AP3D1: variants seen among roughly 807,000 people sequenced by gnomAD.
The protein encoded by AP3D1 is AP-3 complex subunit delta-1.
In AP3D1, 51 loss-of-function variants were observed where a neutral mutation model predicts 147.6. That is an observed-to-expected ratio of 0.35 (90% CI 0.28 to 0.44). AP3D1 has a LOEUF of 0.44. AP3D1 is among the 20% of genes least tolerant of loss of function. AP3D1 has a pLI of 1.00. For synonymous variants in AP3D1, 760 were observed against 663.0 expected, an observed-to-expected ratio of 1.15 and a Z score of -2.25; for missense variants, 1,421 against 1,624.2, an observed-to-expected ratio of 0.87 and a Z score of 2.15.
chr19:2,160,505 G>T lies in AP3D1; in HGVS notation c.-103+3851C>A, dbSNP rs557523583. Among the ~76,000 whole-genome samples, 11 of 152,024 alleles carry T rather than the reference G, an allele frequency of 7.2e-5. No individual in the cohort carries two copies. In the South Asian group the frequency reaches 2.3e-3, roughly 32 times the overall value. On this transcript the variant is annotated intron_variant, in intron 1 of 14. Transcript: ENST00000643010. ...GCCAAGATCACACCATTGCACTTTA[G>T]CCTAATGACAGAGCTAGACTCCTCC...
chr19:2,107,659 G>C (rs1260368847), intron 31 of AP3D1, among the ~76,000 whole-genome samples: 2 of 150,962 alleles, frequency 1.3e-5, no homozygotes, highest in African/African-American at 4.9e-5. Context: ...AGAATGGCGT[G>C]AACCAGGGAG....
Position 2,111,818 on chromosome 19 carries a change from T to C in AP3D1, c.2798A>G (p.Lys933Arg), listed in dbSNP as rs556612715. The part of the protein sequence containing the change: ...EGQDQDKKSP[K>R]PKKKKHRKEK... ...CTTCCTGTGCTTCTTCTTCTTAGGCTTGGGAGATTTCTGGAGCAAGAGGAG... is the reference window on the plus strand; with the variant it reads ...CTTCCTGTGCTTCTTCTTCTTAGGCCTGGGAGATTTCTGGAGCAAGAGGAG... Residue 933 changes from lysine (K) to arginine (R), a missense_variant, in exon 25 of 32, where the codon AAG becomes AGG. Physicochemically the swap from Lys to Arg is conservative, Grantham distance 26. Transcript: ENST00000643116. The C allele has an allele frequency of 2.7e-5, 44 of 1,613,772 alleles. No individual in the cohort carries two copies. Among genetic ancestry groups the C allele is most frequent in the African/African-American group, 1.2e-4 (9 of 74,938 alleles).
intron 9 of AP3D1, among the ~76,000 whole-genome samples, chr19:2,126,670 A>G (rs867062821): frequency 7.3e-5 from 11 of 151,148 alleles, no homozygotes; most frequent in East Asian, 3.9e-4. Flanking sequence ...AAAAAAAAAA[A>G]AGAAAGAAAA....
chr19:2,133,763 A>T (rs2145125265), intron 4 of AP3D1, among the ~76,000 whole-genome samples: 1 of 151,276 alleles, frequency 6.6e-6, no homozygotes, highest in South Asian at 2.1e-4. Context: ...TGGCCTCCCA[A>T]AGTGCTGGGA....
intron 1 of AP3D1, among the ~76,000 whole-genome samples, chr19:2,162,041 T>TG (rs1354017107): frequency 6.7e-6 from 1 of 148,492 alleles, no homozygotes; most frequent in East Asian, 2.0e-4. Context: ...GAGTTTTTTT[T>TG]TTTTTTTTTT....
At chr19:2,152,354 C>T (rs1029450790), upstream of AP3D1, among the ~76,000 whole-genome samples, 13 of 151,634 alleles carry the variant, frequency 8.6e-5, no homozygotes, top group Admixed American at 2.6e-4. Context: ...ACCAGCCAGG[C>T]CAACATGGTG....
Position 2,109,068 on chromosome 19 carries a change from G to C in AP3D1, c.3472+18C>G, listed in dbSNP as rs776751558. On this transcript the variant is annotated intron_variant, in intron 30 of 31. Coordinates refer to ENST00000643116, the MANE Select transcript of AP3D1 (RefSeq NM_001261826.3). ...CGTGAAAGCCCCGTGCAATCCATCA[G>C]CCCCTCACTCTCCTTACCGGAAAAA... 1.1e-5 allele frequency: 17 copies of C among 1,607,328 alleles called. No homozygotes were observed. The highest frequency in any genetic ancestry group is 1.0e-4 in the Admixed American group (6 of 57,566).
chr19:2,107,699 C>T (rs1336384077), intron 31 of AP3D1, among the ~76,000 whole-genome samples: 3 of 149,900 alleles, frequency 2.0e-5, no homozygotes, highest in East Asian at 2.0e-4. Context: ...GAGACTGCAC[C>T]ACTGCACTCC....
At chr19:2,107,495 C>CT (rs1418936026) in intron 31 of AP3D1, among the ~76,000 whole-genome samples, 1 of 151,672 alleles carries the variant, frequency 6.6e-6, no homozygotes, top group Non-Finnish European at 1.5e-5. Flanking sequence ...AATCCTAGCA[C>CT]TTTGGGAGGC....
At chr19:2,114,036 C>A in intron 22 of AP3D1, 89 bp downstream of exon 22, 7 of 1,473,788 alleles carry the variant, frequency 4.7e-6, no homozygotes, top group Non-Finnish European at 6.3e-6. Context: ...AGACTCACAG[C>A]CATTTCCCCT....
At chr19:2,120,155 A>G (rs2385821) in intron 14 of AP3D1, among the ~76,000 whole-genome samples, 147,363 of 152,200 alleles carry the variant, frequency 0.97, 71,400 homozygotes, top group East Asian at 1. Flanking sequence ...GAGGCATAGC[A>G]GCAAATCTCA....
At chr19:2,114,066 G>T in intron 22 of AP3D1, 59 bp downstream of exon 22, 1 of 1,520,516 alleles carries the variant, frequency 6.6e-7, no homozygotes. Flanking sequence ...GCTGTCTCCT[G>T]GGAGTTCACG....
intron 5 of AP3D1, among the ~76,000 whole-genome samples, chr19:2,131,304 C>T (rs971206141): frequency 5.9e-5 from 9 of 151,674 alleles, no homozygotes; most frequent in Non-Finnish European, 1.0e-4. Context: ...CGGCGCCCAT[C>T]GGCCACGATC....
At chr19:2,163,865 C>T (rs1407598786) in intron 1 of AP3D1, among the ~76,000 whole-genome samples, 2 of 149,742 alleles carry the variant, frequency 1.3e-5, no homozygotes, top group African/African-American at 2.4e-5. Context: ...GCGGCGGGCA[C>T]GCGCCGGCGT....
rs1477052157 is a variant in AP3D1, at chr19:2,151,287, C to T, written c.48G>A (p.Lys16=). Residue 16 remains lysine (K), a synonymous_variant, in exon 1 of 32, where the codon AAG becomes AAA. Transcript: ENST00000643116. Reference sequence around the variant, plus strand: ...TGCCGCGGACCAAGTCCTGCAGATTCTTGTCGAACATGCGGTCGATGCTGC... The same window carrying T: ...TGCCGCGGACCAAGTCCTGCAGATTTTTGTCGAACATGCGGTCGATGCTGC... ...VKGSIDRMFD[K]NLQDLVRGIR... The T allele has an allele frequency of 6.2e-7, 1 of 1,611,886 alleles. No individual in the cohort carries two copies.
intron 2 of AP3D1, among the ~76,000 whole-genome samples, 196 bp from the exon 3 acceptor site, chr19:2,138,003 G>A (rs2019121858): frequency 6.6e-6 from 1 of 152,180 alleles, no homozygotes; most frequent in Non-Finnish European, 1.5e-5. Context: ...AAAAGCTACA[G>A]GGACAAGTTA....
chr19:2,127,023 C>T (rs1263029461), intron 9 of AP3D1, 129 bp downstream of exon 9: 4 of 1,001,500 alleles, frequency 4.0e-6, no homozygotes, highest in Non-Finnish European at 6.0e-6. Context: ...GCCCCACCAG[C>T]CAGCTTTCCT....
At chr19:2,159,191 T>C (rs993069908) in intron 1 of AP3D1, among the ~76,000 whole-genome samples, 4 of 150,746 alleles carry the variant, frequency 2.7e-5, no homozygotes, top group East Asian at 2.0e-4. Context: ...GGTTTCACCA[T>C]GTTGGCCACG....
chr19:2,158,124 C>T (rs561235178), intron 1 of AP3D1, among the ~76,000 whole-genome samples: 2 of 152,112 alleles, frequency 1.3e-5, no homozygotes, highest in East Asian at 1.9e-4. Flanking sequence ...GGTGCGATCT[C>T]GGCTCACTGC....
Sources: gnomAD v4.1 joint callset for allele counts (sites outside exome capture counted in the v4.1 genomes callset) on GRCh38, gnomAD v4.1.1 for gene constraint, MANE v1.5 for transcripts, NCBI Gene and HGNC (gene_info 2026-07-23, HGNC 2026-07-21) for gene names.